Variants in MGAT4C observed in about 807,000 individuals in gnomAD.
The protein encoded by MGAT4C is MGAT4 family member C, also known as alpha-1,3-mannosyl-glycoprotein 4-beta-N-acetylglucosaminyltransferase C.
MGAT4C carries 19 observed loss-of-function variants against 40.1 expected under a neutral mutation model. The observed-to-expected ratio is 0.47, with a 90% confidence interval of 0.33 to 0.70. The LOEUF (loss-of-function observed/expected upper bound fraction) is 0.70. Ranked by LOEUF, MGAT4C falls within the 30% of genes least tolerant of loss-of-function variation. The pLI is 0.02. For synonymous variants in MGAT4C, 181 were observed against 187.1 expected (o/e 0.97, Z 0.27); for missense variants, 491 against 563.2 (o/e 0.87, Z 1.30).
At chr12:86,024,418 G>A (rs1890063598) in intron 2 of MGAT4C, among the ~76,000 whole-genome samples, 1 of 151,552 alleles carries the variant, frequency 6.6e-6, no homozygotes, top group African/African-American at 2.4e-5. Context: ...ATTCTGGAAG[G>A]GACTAGTTCT....
intron 2 of MGAT4C, among the ~76,000 whole-genome samples, chr12:86,504,739 T>G (rs1480850203): frequency 1.3e-5 from 2 of 152,042 alleles, no homozygotes; most frequent in Non-Finnish European, 1.5e-5. Context: ...TAGGCTAGAG[T>G]GCAGTGGCAT....
chr12:86,596,892 A>G (rs546675342), intron 2 of MGAT4C, among the ~76,000 whole-genome samples: 29 of 152,294 alleles, frequency 1.9e-4, no homozygotes, highest in Non-Finnish European at 2.1e-4. Context: ...AGAGGCCCCA[A>G]AAAAGCTTAA....
intron 3 of MGAT4C, among the ~76,000 whole-genome samples, chr12:86,408,251 A>G (rs1956514796): frequency 6.6e-6 from 1 of 151,948 alleles, no homozygotes; most frequent in East Asian, 1.9e-4. Context: ...TAATAAAAAT[A>G]TGACCCATCA....
At chr12:86,627,354 C>T (rs967755513) in intron 2 of MGAT4C, among the ~76,000 whole-genome samples, 12 of 152,172 alleles carry the variant, frequency 7.9e-5, no homozygotes, top group Admixed American at 2.0e-4. Context: ...TCTGACAGCT[C>T]TGAAGAGAGC....
chr12:86,348,314 G>T (rs992630568), intron 3 of MGAT4C, among the ~76,000 whole-genome samples: 3 of 151,858 alleles, frequency 2.0e-5, no homozygotes, highest in African/African-American at 7.3e-5. Context: ...TTAAAAAATA[G>T]AATTCATTTT....
intron 1 of MGAT4C, among the ~76,000 whole-genome samples, chr12:86,220,879 G>A (rs1213776803): frequency 6.6e-6 from 1 of 152,134 alleles, no homozygotes; most frequent in Non-Finnish European, 1.5e-5. Context: ...CCCTGGCTTA[G>A]CATAATGTAA....
intron 1 of MGAT4C, among the ~76,000 whole-genome samples, chr12:86,127,231 T>C (rs1024449322): frequency 1.2e-4 from 18 of 152,218 alleles, no homozygotes. Flanking sequence ...GCTACAAACC[T>C]GTACAGTATG....
chr12:86,613,336 A>G (rs1962346685), intron 2 of MGAT4C, among the ~76,000 whole-genome samples: 1 of 152,190 alleles, frequency 6.6e-6, no homozygotes, highest in African/African-American at 2.4e-5. Context: ...TTACACTTGT[A>G]TTATTCAAAA....
chr12:86,753,248 C>T (rs565162878), intron 1 of MGAT4C, among the ~76,000 whole-genome samples: 3 of 152,098 alleles, frequency 2.0e-5, no homozygotes, highest in African/African-American at 7.2e-5. Flanking sequence ...AAGGAACACC[C>T]GGCCTGCCCA....
intron 4 of MGAT4C, among the ~76,000 whole-genome samples, chr12:86,321,152 T>G (rs1277588299): frequency 6.6e-6 from 1 of 152,160 alleles, no homozygotes; most frequent in Non-Finnish European, 1.5e-5. Flanking sequence ...TCTTTCAAAC[T>G]TTCAATTTTA....
intron 1 of MGAT4C, among the ~76,000 whole-genome samples, chr12:86,090,266 T>A (rs1336701826): frequency 6.6e-6 from 1 of 151,694 alleles, no homozygotes; most frequent in African/African-American, 2.4e-5. Context: ...CATGCCATAT[T>A]CATAAAGTTT....
chr12:86,665,283 T>G (rs972662234), intron 2 of MGAT4C, among the ~76,000 whole-genome samples: 3 of 152,220 alleles, frequency 2.0e-5, no homozygotes, highest in Admixed American at 6.5e-5. Context: ...AGTCCTTTTC[T>G]TCTCTACAAT....
intron 4 of MGAT4C, among the ~76,000 whole-genome samples, chr12:86,294,843 A>G (rs138285970): frequency 5.3e-5 from 8 of 152,308 alleles, no homozygotes; most frequent in Admixed American, 4.6e-4. Context: ...AAATTCACCT[A>G]CATTTGCTCC....
At chr12:86,400,411 T>G (rs1956335316) in intron 3 of MGAT4C, among the ~76,000 whole-genome samples, 3 of 152,188 alleles carry the variant, frequency 2.0e-5, no homozygotes, top group Admixed American at 6.6e-5. Flanking sequence ...CTTTGACTAA[T>G]TTTGATGTAG....
chr12:86,618,161 C>T (rs1962517496), intron 2 of MGAT4C, among the ~76,000 whole-genome samples: 1 of 151,808 alleles, frequency 6.6e-6, no homozygotes, highest in South Asian at 2.1e-4. Context: ...TTGCTATTAT[C>T]CAAATGACAA....
intron 4 of MGAT4C, among the ~76,000 whole-genome samples, chr12:86,331,379 A>G (rs1273393865): frequency 6.6e-6 from 1 of 152,068 alleles, no homozygotes; most frequent in Non-Finnish European, 1.5e-5. Context: ...TTTCCCTTAC[A>G]AGTCGAATGT....
chr12:86,670,906 G>A (rs185795674), intron 2 of MGAT4C, among the ~76,000 whole-genome samples: 198 of 151,972 alleles, frequency 1.3e-3, no homozygotes, highest in African/African-American at 4.5e-3. Context: ...GATTATTTTC[G>A]CATCACTCTA....
chr12:86,278,959 G>C lies in MGAT4C; in HGVS notation c.-57+55106C>G, dbSNP rs796829311. On this transcript the variant is annotated intron_variant, in intron 4 of 7. Transcript: ENST00000548651. The stretch of plus-strand genomic sequence containing the variant: ...TATAGGTTTTGTCCTTCAGTCAGTT[G>C]ATATGATGTCTCACATCCTTATATC... 1.8e-3 allele frequency among the ~76,000 whole-genome samples: 65 copies of C among 35,700 alleles called. 1 individual carries two copies. The highest frequency in any genetic ancestry group is 3.7e-3 in the African/African-American group (55 of 15,002). 23.4% of individuals were successfully genotyped at this position (35,700 alleles called of 152,430 possible). A position where few individuals can be genotyped will look rare whatever the true frequency, so the allele number is the denominator to read the frequency against.
At chr12:86,793,579 T>C (rs1367301274) in intron 1 of MGAT4C, among the ~76,000 whole-genome samples, 1 of 152,080 alleles carries the variant, frequency 6.6e-6, no homozygotes, top group African/African-American at 2.4e-5. Flanking sequence ...GAGTTACAAT[T>C]ACACACATAT....
Sources: allele counts gnomAD v4.1 joint callset (sites outside exome capture counted in the v4.1 genomes callset), GRCh38; gene constraint gnomAD v4.1.1; transcripts MANE v1.5; gene names NCBI Gene and HGNC (gene_info 2026-07-23, HGNC 2026-07-21).